Variants in LRMDA observed in about 807,000 individuals in gnomAD.
LRMDA encodes the protein leucine rich melanocyte differentiation associated, also known as leucine-rich melanocyte differentiation-associated protein.
Under a neutral mutation model 29.8 loss-of-function variants are expected in LRMDA, and 18 were observed. That is an observed-to-expected ratio of 0.60 (90% CI 0.42 to 0.90). The LOEUF (loss-of-function observed/expected upper bound fraction) is 0.90, where lower values mean the gene tolerates loss of function less well. Ranked by LOEUF, LRMDA falls within the 40% of genes least tolerant of loss-of-function variation. The pLI is 0.00. For synonymous variants in LRMDA, 125 were observed against 109.4 expected (o/e 1.14, Z -0.89); for missense variants, 273 against 273.9 (o/e 1.00, Z 0.02).
At chr10:76,025,945 G>A (rs995273645) in intron 2 of LRMDA, among the ~76,000 whole-genome samples, 1 of 152,162 alleles carries the variant, frequency 6.6e-6, no homozygotes, top group African/African-American at 2.4e-5. Context: ...AAAGTACTAA[G>A]CACAGAGTTG....
intron 6 of LRMDA, among the ~76,000 whole-genome samples, chr10:76,489,639 T>C (rs1842813779): frequency 6.6e-6 from 1 of 151,958 alleles, no homozygotes; most frequent in African/African-American, 2.4e-5. Flanking sequence ...TTTTCTGATA[T>C]AGGAGCTTAT....
At chr10:76,147,431 C>A (rs1214688323) in intron 5 of LRMDA, among the ~76,000 whole-genome samples, 2 of 152,124 alleles carry the variant, frequency 1.3e-5, no homozygotes, top group African/African-American at 2.4e-5. Flanking sequence ...TCATTTCATT[C>A]ATTTCATCTT....
At chr10:75,909,459 G>A (rs1477190594) in intron 2 of LRMDA, among the ~76,000 whole-genome samples, 1 of 152,012 alleles carries the variant, frequency 6.6e-6, no homozygotes, top group Non-Finnish European at 1.5e-5. Context: ...CGTATCCTCT[G>A]AAAACCCACA....
chr10:75,901,052 T>A (rs1845662394), intron 2 of LRMDA, among the ~76,000 whole-genome samples: 1 of 151,834 alleles, frequency 6.6e-6, no homozygotes, highest in South Asian at 2.1e-4. Flanking sequence ...CAACAGACAA[T>A]TCAAGATAAT....
At chr10:75,640,282 C>G (rs181210938) in intron 2 of LRMDA, among the ~76,000 whole-genome samples, 1 of 152,128 alleles carries the variant, frequency 6.6e-6, no homozygotes, top group Non-Finnish European at 1.5e-5. Flanking sequence ...TGCTGCTTCC[C>G]CCCATTAGGC....
chr10:76,225,720 A>ATTTATTTAT (rs1159719369), intron 5 of LRMDA, among the ~76,000 whole-genome samples: 106 of 143,184 alleles, frequency 7.4e-4, no homozygotes, highest in African/African-American at 2.5e-3. Context: ...TTATTTATTT[A>ATTTATTTAT]TTATTATATA....
At chr10:75,631,246 TC>T (rs1369265420) in intron 2 of LRMDA, among the ~76,000 whole-genome samples, 1 of 152,136 alleles carries the variant, frequency 6.6e-6, no homozygotes, top group African/African-American at 2.4e-5. Flanking sequence ...AAGTCCTATA[TC>T]CCTTCTACCT....
At chr10:75,782,491 A>AT (rs1432915617) in intron 2 of LRMDA, among the ~76,000 whole-genome samples, 2 of 151,430 alleles carry the variant, frequency 1.3e-5, no homozygotes, top group East Asian at 1.9e-4. Context: ...TTTATGGGTG[A>AT]TTTTTCACCG....
At chr10:76,375,233 C>T (rs1841502059) in intron 6 of LRMDA, among the ~76,000 whole-genome samples, 1 of 151,860 alleles carries the variant, frequency 6.6e-6, no homozygotes, top group Non-Finnish European at 1.5e-5. Flanking sequence ...TGACTATACC[C>T]AAGTTGTTGG....
At chr10:75,511,430 G>A (rs536932988) in intron 2 of LRMDA, among the ~76,000 whole-genome samples, 41 of 152,314 alleles carry the variant, frequency 2.7e-4, no homozygotes, top group African/African-American at 8.2e-4. Flanking sequence ...GGGACTGTGA[G>A]CCCGTTTCCT....
intron 2 of LRMDA, among the ~76,000 whole-genome samples, chr10:75,702,052 A>C (rs1842314656): frequency 6.6e-6 from 1 of 151,982 alleles, no homozygotes; most frequent in Non-Finnish European, 1.5e-5. Context: ...CACCTCCCAC[A>C]TCCTCAATCT....
At chr10:76,065,366 A>T (rs1044861800) in intron 5 of LRMDA, among the ~76,000 whole-genome samples, 1 of 152,208 alleles carries the variant, frequency 6.6e-6, no homozygotes, top group Non-Finnish European at 1.5e-5. Context: ...GAAAGAAGGA[A>T]GGTGGTAGCA....
chr10:76,231,496 T>C (rs1852058069), intron 5 of LRMDA, among the ~76,000 whole-genome samples: 1 of 152,218 alleles, frequency 6.6e-6, no homozygotes, highest in Non-Finnish European at 1.5e-5. Flanking sequence ...GTGATTCTCC[T>C]GCTGGTTTCC....
At chr10:75,600,169 T>G (rs975871618) in intron 2 of LRMDA, among the ~76,000 whole-genome samples, 2 of 146,264 alleles carry the variant, frequency 1.4e-5, no homozygotes, top group Non-Finnish European at 2.9e-5. Flanking sequence ...ATGACACCTT[T>G]TTCCCCCCAA....
At chr10:76,309,923 T>A (rs902719996) in intron 5 of LRMDA, among the ~76,000 whole-genome samples, 2 of 152,192 alleles carry the variant, frequency 1.3e-5, no homozygotes, top group Non-Finnish European at 2.9e-5. Context: ...GTGTTACCAT[T>A]AAAGAGGCCA....
In LRMDA at chr10:75,929,470, C is replaced by T. The variant is rs117686368; in HGVS notation, c.132-106538C>T. Among the ~76,000 whole-genome samples, 939 of 152,284 alleles carry T rather than the reference C, an allele frequency of 6.2e-3. 4 individuals carry two copies. The highest frequency in any genetic ancestry group is 8.7e-3 in the South Asian group (42 of 4,824). ...ACCTTGGTGGGTTAACCTTCATTTT[C>T]GTGGTTGAAGTGAGGAAACTGAGTC... On this transcript the variant is annotated intron_variant, in intron 2 of 6. Transcript: ENST00000611255.
At chr10:76,055,089 A>AAAAAAAG (rs1564640519) in intron 4 of LRMDA, among the ~76,000 whole-genome samples, 1 of 125,564 alleles carries the variant, frequency 8.0e-6, no homozygotes, top group Non-Finnish European at 1.7e-5. Flanking sequence ...AAAAAAAAAA[A>AAAAAAAG]AAAAAGAAAA....
At chr10:75,945,790 A>G (rs1589262389) in intron 2 of LRMDA, among the ~76,000 whole-genome samples, 1 of 151,588 alleles carries the variant, frequency 6.6e-6, no homozygotes, top group South Asian at 2.1e-4. Context: ...AGGGAAAAAA[A>G]TCATGCCTAT....
At chr10:76,392,862 C>A (rs4114991) in intron 6 of LRMDA, among the ~76,000 whole-genome samples, 4 of 151,742 alleles carry the variant, frequency 2.6e-5, no homozygotes, top group Non-Finnish European at 4.4e-5. Context: ...CCAGCAGTCC[C>A]CAGTAACCAC....
Sources: allele counts gnomAD v4.1 joint callset (sites outside exome capture counted in the v4.1 genomes callset), GRCh38; gene constraint gnomAD v4.1.1; transcripts MANE v1.5; gene names NCBI Gene and HGNC (gene_info 2026-07-23, HGNC 2026-07-21).